ASXL2: variants seen among roughly 807,000 people sequenced by gnomAD.
ASXL2 encodes the protein putative Polycomb group protein ASXL2.
Under a neutral mutation model 122.0 loss-of-function variants are expected in ASXL2, and 23 were observed. The observed-to-expected ratio is 0.19, with a 90% confidence interval of 0.14 to 0.27. The LOEUF is 0.27. ASXL2 is among the 10% of genes least tolerant of loss of function. The pLI is 1.00. For missense variants in ASXL2, 1,518 were observed against 1,713.8 expected, an observed-to-expected ratio of 0.89 and a Z score of 2.02; for synonymous variants, 650 against 637.0, an observed-to-expected ratio of 1.02 and a Z score of -0.31.
Position 25,748,330 on chromosome 2 carries a change from C to T in ASXL2, c.1860+1366G>A, listed in dbSNP as rs139282080. Among the ~76,000 whole-genome samples the T allele has an allele frequency of 2.5e-3, 373 of 152,060 alleles. 3 individuals are homozygous for T. The highest frequency in any genetic ancestry group is 8.6e-3 in the African/African-American group (356 of 41,458). The stretch of plus-strand genomic sequence containing the variant: ...CCTGGCCAACATGGTGAAACCCCAT[C>T]TCTACTAAAAAATAAAATTACAAAA... On this transcript the variant is annotated intron_variant, in intron 12 of 12. Coordinates refer to ENST00000435504, the MANE Select transcript of ASXL2 (RefSeq NM_018263.6).
intron 3 of ASXL2, among the ~76,000 whole-genome samples, chr2:25,822,289 C>T (rs565944236): frequency 1.3e-5 from 2 of 152,218 alleles, no homozygotes; most frequent in African/African-American, 2.4e-5. Flanking sequence ...GCTCTTTCTG[C>T]GCGGTGCATT....
In ASXL2 at chr2:25,771,890, T is replaced by A. The variant is rs567382042; in HGVS notation, c.404-350A>T. Among the ~76,000 whole-genome samples, 15 of 152,352 alleles carry A rather than the reference T, an allele frequency of 9.8e-5. No individual in the cohort carries two copies. The South Asian group carries it at 3.1e-3, about 32-fold the overall frequency. ...ATCTATGGTCTCACAGTAAATCTAA[T>A]GACAACACGATACAGTGGAAGGGCC... On this transcript the variant is annotated intron_variant, in intron 5 of 12. Transcript: ENST00000435504.
intron 3 of ASXL2, among the ~76,000 whole-genome samples, chr2:25,828,519 A>AAG (rs2089406204): frequency 7.4e-6 from 1 of 134,342 alleles, no homozygotes; most frequent in South Asian, 2.5e-4. Flanking sequence ...AAAAAAAAAA[A>AAG]ATAAAAAGAA....
At chr2:25,852,198 T>A (rs1047085113) in intron 1 of ASXL2, among the ~76,000 whole-genome samples, 1 of 152,226 alleles carries the variant, frequency 6.6e-6, no homozygotes, top group Non-Finnish European at 1.5e-5. Flanking sequence ...TATGACAATA[T>A]GAATAACCAC....
In ASXL2 at chr2:25,878,211, C is replaced by A; in HGVS notation, c.12G>T (p.Lys4Asn). 6.2e-7 allele frequency: 1 copy of A among 1,613,942 alleles called. No individual in the cohort carries two copies. MREKGRRKKGRTWA... is the reference protein window; with the variant it reads MRENGRRKKGRTWA... ...AGGTCCTGCCCTTCTTCCTACGTCC[C>A]TTTTCCCTCATGTCGGGTCTTGAAC... Residue 4 changes from lysine (K) to asparagine (N), a missense_variant, in exon 1 of 13, where the codon AAG (lysine) becomes AAT (asparagine). By Grantham distance (94) the Lys-to-Asn change is moderately conservative (BLOSUM62 0). This residue lies in a region of ASXL2 where 28 missense variants were observed against 42.2 expected (regional missense o/e 0.66). Coordinates refer to ENST00000435504, the MANE Select transcript of ASXL2 (RefSeq NM_018263.6).
intron 5 of ASXL2, among the ~76,000 whole-genome samples, chr2:25,791,350 G>A (rs2088830585): frequency 6.6e-6 from 1 of 151,958 alleles, no homozygotes; most frequent in African/African-American, 2.4e-5. Flanking sequence ...AGCCAGGTGT[G>A]GTGGCGGGCG....
rs1392622520 is a variant in ASXL2, at chr2:25,743,492, T to C, written c.2845A>G (p.Asn949Asp). The change falls in exon 13 of 13, where the codon AAT becomes GAT. Residue 949 changes from asparagine (N) to aspartate (D), a missense_variant. Physicochemically the swap from Asn to Asp is conservative, Grantham distance 23. Around this residue, in one of 8 missense-constraint regions of ASXL2, gnomAD observed 831 missense variants for 833.1 expected, o/e 1.00. Coordinates refer to ENST00000435504, the MANE Select transcript of ASXL2 (RefSeq NM_018263.6). ...TLRPTSSIPA[N>D]NPLVTQLLQG... ...AGCAGCTGAGTCACTAAAGGATTAT[T>C]AGCAGGGATACTAGAGGTTGGTCTT... 1 of 1,613,860 alleles carries C rather than the reference T, an allele frequency of 6.2e-7. No homozygotes were observed. The highest frequency in any genetic ancestry group is 1.1e-5 in the South Asian group (1 of 91,084).
intron 5 of ASXL2, among the ~76,000 whole-genome samples, chr2:25,792,754 C>CG (rs888428812): frequency 2.6e-5 from 4 of 151,166 alleles, no homozygotes; most frequent in African/African-American, 4.9e-5. Flanking sequence ...TACAGGTGTG[C>CG]GCCACCACAC....
At chr2:25,863,987 CAG>C (rs2089867977) in intron 1 of ASXL2, among the ~76,000 whole-genome samples, 1 of 144,240 alleles carries the variant, frequency 6.9e-6, no homozygotes, top group African/African-American at 2.6e-5. Context: ...GCCTGGGTAA[CAG>C]AGCGAGACTC....
chr2:25,804,332 C>T (rs894586539), intron 4 of ASXL2, among the ~76,000 whole-genome samples: 1 of 152,256 alleles, frequency 6.6e-6, no homozygotes, highest in African/African-American at 2.4e-5. Context: ...CCTCAATTCA[C>T]CTGGCTTGAG....
intron 2 of ASXL2, among the ~76,000 whole-genome samples, chr2:25,841,563 C>A (rs1032131717): frequency 2.0e-5 from 3 of 152,016 alleles, no homozygotes; most frequent in African/African-American, 7.2e-5. Context: ...GAACACAGAA[C>A]ATGCCAGGCA....
chr2:25,809,875 T>A (rs55701236), intron 3 of ASXL2: 2 of 490,564 alleles, frequency 4.1e-6, no homozygotes, highest in East Asian at 1.1e-4. Flanking sequence ...TGGCCTCAGA[T>A]GGAATCAGGG....
chr2:25,777,428 C>T (rs1009636300), intron 5 of ASXL2, among the ~76,000 whole-genome samples: 2 of 151,800 alleles, frequency 1.3e-5, no homozygotes, highest in African/African-American at 4.8e-5. Flanking sequence ...TCACTTGAGG[C>T]CAGGAGTTCG....
chr2:25,779,866 A>G (rs1029416250), intron 5 of ASXL2, among the ~76,000 whole-genome samples: 4 of 152,054 alleles, frequency 2.6e-5, no homozygotes, highest in African/African-American at 4.8e-5. Flanking sequence ...TATATGTTTT[A>G]ATACTTTTTT....
intron 3 of ASXL2, among the ~76,000 whole-genome samples, chr2:25,820,751 G>A (rs2089298327): frequency 6.6e-6 from 1 of 152,196 alleles, no homozygotes; most frequent in Non-Finnish European, 1.5e-5. Context: ...CTGGCCTGGT[G>A]TGGTGACTGG....
rs2087840530 is a variant in ASXL2 at position 25,742,201 on chromosome 2, C to T, written c.4136G>A (p.Gly1379Asp). The T allele has an allele frequency of 6.2e-7, 1 of 1,613,860 alleles. No homozygotes were observed. The highest frequency in any genetic ancestry group is 1.3e-5 in the African/African-American group (1 of 74,920). Reference sequence around the variant, plus strand: ...GAACGCCTGAACAGGAATGGTCTGGCCATGGCTGCTGGGATTCATAGCTTG... The same window carrying T: ...GAACGCCTGAACAGGAATGGTCTGGTCATGGCTGCTGGGATTCATAGCTTG... ...ASQAMNPSSH[G>D]QTIPVQAFSE... Residue 1379 changes from glycine (G) to aspartate (D), a missense_variant, in exon 13 of 13, where the codon GGC becomes GAC. Around this residue, in one of 8 missense-constraint regions of ASXL2, gnomAD observed 831 missense variants for 833.1 expected, o/e 1.00. Transcript: ENST00000435504.
At chr2:25,745,641 C>CTTTTTT (rs59530493) in intron 12 of ASXL2, among the ~76,000 whole-genome samples, 1 of 75,676 alleles carries the variant, frequency 1.3e-5, no homozygotes, top group African/African-American at 5.0e-5. Flanking sequence ...TGATTTCCTT[C>CTTTTTT]TTTTTTTTTT....
At chr2:25,813,609 AAGTCAGAGAGAAAAAAAATC>A (rs2089198842) in intron 3 of ASXL2, among the ~76,000 whole-genome samples, 1 of 152,206 alleles carries the variant, frequency 6.6e-6, no homozygotes. Context: ...AAAGTGCTTT[AAGTCAGAGAGAAAAAAAATC>A]AGTCTAGTCT....
chr2:25,808,828 T>A (rs189996255), intron 3 of ASXL2, among the ~76,000 whole-genome samples: 2 of 152,236 alleles, frequency 1.3e-5, no homozygotes, highest in East Asian at 3.9e-4. Context: ...GCCAATAAGC[T>A]GCAGGATGTA....
Sources: allele counts gnomAD v4.1 joint callset (sites outside exome capture counted in the v4.1 genomes callset), GRCh38; gene constraint gnomAD v4.1.1; regional missense constraint gnomAD v4.1.1; transcripts MANE v1.5; gene names NCBI Gene and HGNC (gene_info 2026-07-23, HGNC 2026-07-21).